CPEB1: variants seen among roughly 807,000 people sequenced by gnomAD.
CPEB1 encodes cytoplasmic polyadenylation element binding protein 1, also known as cytoplasmic polyadenylation element-binding protein 1.
In CPEB1, 7 loss-of-function variants were observed where a neutral mutation model predicts 65.8. That is an observed-to-expected ratio of 0.11 (90% confidence interval 0.06 to 0.20). CPEB1 has a LOEUF of 0.20. Among genes scored for constraint, CPEB1 ranks in the 10% least tolerant of loss-of-function variants. CPEB1 has a pLI of 1.00. For missense variants in CPEB1, 551 were observed against 712.2 expected (o/e 0.77, Z 2.58); for synonymous variants, 262 against 260.0 (o/e 1.01, Z -0.08).
intron 3 of CPEB1, among the ~76,000 whole-genome samples, chr15:82,622,134 T>C (rs955951980): frequency 6.6e-6 from 1 of 152,160 alleles, no homozygotes; most frequent in Non-Finnish European, 1.5e-5. Flanking sequence ...AAAAGGTCTA[T>C]GGCTTAAAGG....
In CPEB1 at chr15:82,543,793, A is replaced by T. The variant is rs2034705894; in HGVS notation, c.*799T>A. On this transcript the variant is annotated 3_prime_UTR_variant, in exon 13 of 13. Coordinates refer to ENST00000684509, the MANE Select transcript of CPEB1 (RefSeq NM_001365242.1). The stretch of plus-strand genomic sequence containing the variant: ...TACAGCAGCCGCTCAAACACCGTTT[A>T]TCCGGTCCAGTTTCAAATAAAACAA... The T allele has an allele frequency of 6.6e-6, 1 of 152,290 alleles. No homozygotes were observed. Among genetic ancestry groups the T allele is most frequent in the Non-Finnish European group, 1.5e-5 (1 of 68,034 alleles). 9.4% of individuals were successfully genotyped at this position (152,290 alleles called of 1,614,324 possible).
At chr15:82,583,527 T>C (rs991416923) in intron 3 of CPEB1, 4 of 152,180 alleles carry the variant, frequency 2.6e-5, no homozygotes, top group African/African-American at 7.2e-5. Context: ...AGAGGGTAAA[T>C]TGGTACAACA....
At chr15:82,567,663 C>T (rs900496533) in intron 4 of CPEB1, among the ~76,000 whole-genome samples, 1 of 151,934 alleles carries the variant, frequency 6.6e-6, no homozygotes, top group Non-Finnish European at 1.5e-5. Context: ...AAAAGAAAAC[C>T]AGAGTGTGAA....
intron 3 of CPEB1, among the ~76,000 whole-genome samples, chr15:82,624,714 C>A (rs2045604580): frequency 6.6e-6 from 1 of 152,164 alleles, no homozygotes; most frequent in South Asian, 2.1e-4. Context: ...GGGTCCTTTC[C>A]CTGAAGTCCA....
chr15:82,553,418 A>AG lies in CPEB1; in HGVS notation c.1144+48dup, dbSNP rs775581659. 6.3e-6 allele frequency: 9 copies of AG among 1,417,460 alleles called. No individual in the cohort carries two copies. The African/African-American group carries it at 9.8e-5, about 16-fold the overall frequency. The allele number at this position is 1,417,460 out of a possible 1,614,324, so 87.8% of individuals were successfully genotyped here. On this transcript the variant is annotated intron_variant, in intron 8 of 12. Coordinates refer to ENST00000684509, the MANE Select transcript of CPEB1 (RefSeq NM_001365242.1). The stretch of plus-strand genomic sequence containing the variant: ...CCTAGGTGCAGTTATGTACTAGGGA[A>AG]GGGAAAAAAAAGCTCCTACCATGTC...
intron 4 of CPEB1, among the ~76,000 whole-genome samples, chr15:82,566,382 T>C (rs2039125776): frequency 6.6e-6 from 1 of 152,200 alleles, no homozygotes; most frequent in Non-Finnish European, 1.5e-5. Context: ...CCTTCTTCCC[T>C]ATCACCATCC....
intron 2 of CPEB1, among the ~76,000 whole-genome samples, 171 bp from the exon 3 acceptor site, chr15:82,627,538 A>T (rs1039853330): frequency 1.3e-5 from 2 of 152,222 alleles, no homozygotes; most frequent in African/African-American, 2.4e-5. Flanking sequence ...TAAGAAAAAA[A>T]TACCAAAATA....
rs747500576 is a variant in CPEB1, at chr15:82,556,022, T to C, written c.788A>G (p.Glu263Gly). 6.2e-7 allele frequency: 1 copy of C among 1,613,652 alleles called. No individual in the cohort carries two copies. The highest frequency in any genetic ancestry group is 8.5e-7 in the Non-Finnish European group (1 of 1,179,822). ...KMGVGSRMDQ[E>G]QAALAAVTPS... ...AGTGACTGCAGCAAGAGCAGCTTGC[T>C]CTTGGTCCATCCGAGACCCTACCCC... The change falls in exon 6 of 13, where the codon GAG becomes GGG. Residue 263 changes from glutamate to glycine, a missense_variant. Glu to Gly is a moderately conservative substitution (Grantham distance 98). Coordinates refer to ENST00000684509, the MANE Select transcript of CPEB1 (RefSeq NM_001365242.1).
At position 82,543,676 on chromosome 15, in the gene CPEB1, G is replaced by A. The variant is rs2034683394; in HGVS notation, c.*916C>T. On this transcript the variant is annotated 3_prime_UTR_variant, in exon 13 of 13. Transcript: ENST00000684509. The stretch of plus-strand genomic sequence containing the variant: ...TTTAGCTCAGTTACAAAAGAAAAAA[G>A]TCCTGTGACTTTGTGATTAAAAACT... The A allele has an allele frequency of 6.6e-6, 1 of 151,186 alleles. No homozygotes were observed. The allele number at this position is 151,186 out of a possible 1,614,324, so 9.4% of individuals were successfully genotyped here.
intron 4 of CPEB1, among the ~76,000 whole-genome samples, chr15:82,565,551 G>A (rs1218141482): frequency 1.3e-5 from 2 of 152,206 alleles, no homozygotes; most frequent in African/African-American, 4.8e-5. Context: ...CTAAAATCCA[G>A]TGGAAATGAC....
upstream of CPEB1, chr15:82,647,815 G>C (rs1329530200): frequency 9.4e-6 from 12 of 1,282,496 alleles, no homozygotes; most frequent in South Asian, 5.0e-5. Context: ...TACTGCGGCC[G>C]GGACGCGGCC....
At chr15:82,560,065 T>C (rs775111583) in intron 4 of CPEB1, among the ~76,000 whole-genome samples, 44 of 152,018 alleles carry the variant, frequency 2.9e-4, no homozygotes, top group Admixed American at 3.9e-4. Flanking sequence ...GCCTGGGTGA[T>C]AGAGCAAGAC....
chr15:82,588,672 T>C (rs573006962), intron 3 of CPEB1, among the ~76,000 whole-genome samples: 1 of 152,344 alleles, frequency 6.6e-6, no homozygotes, highest in African/African-American at 2.4e-5. Context: ...TGGGCAAGCA[T>C]ACTTGTTAAA....
intron 1 of CPEB1, among the ~76,000 whole-genome samples, chr15:82,643,044 C>T (rs1367504231): frequency 6.6e-6 from 1 of 152,140 alleles, no homozygotes; most frequent in Non-Finnish European, 1.5e-5. Flanking sequence ...CAACACCTAA[C>T]GTTATAAATG....
At chr15:82,601,017 C>A (rs773781581) in intron 3 of CPEB1, among the ~76,000 whole-genome samples, 1 of 150,522 alleles carries the variant, frequency 6.6e-6, no homozygotes, top group Non-Finnish European at 1.5e-5. Flanking sequence ...CAATTCTCCA[C>A]CCTCAGCCTC....
At position 82,631,889 on chromosome 15, in the gene CPEB1, T is replaced by C. The variant is rs1460212422; in HGVS notation, c.-97-3333A>G. On this transcript the variant is annotated intron_variant, in intron 1 of 12. Transcript: ENST00000684509. Reference sequence around the variant, plus strand: ...AGAAGTGTTTCAGATTTGGATTTTTTTTTTTTTGGAAGCTGGAACATTTGC... The same window carrying C: ...AGAAGTGTTTCAGATTTGGATTTTTCTTTTTTTGGAAGCTGGAACATTTGC... 3.9e-5 allele frequency among the ~76,000 whole-genome samples: 6 copies of C among 152,306 alleles called. No individual in the cohort carries two copies. In the East Asian group the frequency reaches 1.2e-3, roughly 29 times the overall value.
At chr15:82,602,761 G>A (rs1379286018) in intron 3 of CPEB1, among the ~76,000 whole-genome samples, 1 of 152,124 alleles carries the variant, frequency 6.6e-6, no homozygotes, top group South Asian at 2.1e-4. Context: ...CAGAAGAATC[G>A]CTTGAACCCG....
intron 3 of CPEB1, among the ~76,000 whole-genome samples, chr15:82,610,533 AATAAAAT>A (rs1375491070): frequency 6.6e-6 from 1 of 152,124 alleles, no homozygotes; most frequent in East Asian, 1.9e-4. Flanking sequence ...AAAAAAAATC[AATAAAAT>A]ATAATATTAA....
At chr15:82,584,666 C>T (rs747564467) in intron 3 of CPEB1, among the ~76,000 whole-genome samples, 4 of 136,844 alleles carry the variant, frequency 2.9e-5, no homozygotes, top group African/African-American at 5.7e-5. Flanking sequence ...CAAGACAGAG[C>T]GAGACTCCAT....
Sources: allele counts gnomAD v4.1 joint callset (sites outside exome capture counted in the v4.1 genomes callset), GRCh38; gene constraint gnomAD v4.1.1; transcripts MANE v1.5; gene names NCBI Gene and HGNC (gene_info 2026-07-23, HGNC 2026-07-21).